The following TENM2 variants were observed in gnomAD, a reference collection of about 807,000 sequenced individuals.
TENM2 encodes teneurin transmembrane protein 2, also known as teneurin-2.
In TENM2, 52 loss-of-function variants were observed where a neutral mutation model predicts 245.2. That is an observed-to-expected ratio of 0.21 (90% CI 0.17 to 0.27). TENM2 has a LOEUF of 0.27. Among genes scored for constraint, TENM2 ranks in the 10% least tolerant of loss-of-function variants. The pLI, the probability that TENM2 is intolerant of heterozygous loss-of-function variation, is 1.00. For missense variants in TENM2, 3,046 were observed against 3,666.8 expected (o/e 0.83, Z 4.37); for synonymous variants, 1,363 against 1,438.9 (o/e 0.95, Z 1.19).
At chr5:167,179,437 G>A in the TENM2 span, among the ~76,000 whole-genome samples, 3 of 152,180 alleles carry the variant, frequency 2.0e-5, no homozygotes, top group East Asian at 1.9e-4. Context: ...TTTTCGGTAA[G>A]TAATTTATCA....
At chr5:167,457,202 G>A (rs1765975768) in intron 2 of TENM2, among the ~76,000 whole-genome samples, 1 of 152,080 alleles carries the variant, frequency 6.6e-6, no homozygotes, top group South Asian at 2.1e-4. Flanking sequence ...GATTTAGTTA[G>A]TAGACCAATC....
At chr5:167,446,706 G>C (rs999590121) in intron 2 of TENM2, among the ~76,000 whole-genome samples, 1 of 151,716 alleles carries the variant, frequency 6.6e-6, no homozygotes, top group East Asian at 1.9e-4. Flanking sequence ...TTTTGGGGGG[G>C]GGGATTTGTA....
At chr5:167,920,467 A>C (rs1777280267) in intron 3 of TENM2, among the ~76,000 whole-genome samples, 1 of 150,704 alleles carries the variant, frequency 6.6e-6, no homozygotes, top group Admixed American at 6.6e-5. Flanking sequence ...GCAGTGAGCC[A>C]AGCTCGTGCC....
the TENM2 span, among the ~76,000 whole-genome samples, chr5:167,094,257 A>T: frequency 1.3e-5 from 2 of 152,092 alleles, no homozygotes; most frequent in Admixed American, 6.6e-5. Context: ...GCACGTGTAT[A>T]CTCTCATGAA....
intron 2 of TENM2, among the ~76,000 whole-genome samples, chr5:167,596,146 C>T (rs537446408): frequency 2.0e-5 from 3 of 152,210 alleles, no homozygotes; most frequent in Admixed American, 6.5e-5. Flanking sequence ...ATTGGGGGTG[C>T]GACAGGAATA....
the TENM2 span, among the ~76,000 whole-genome samples, chr5:167,115,590 G>A: frequency 5.3e-5 from 8 of 152,080 alleles, no homozygotes; most frequent in African/African-American, 1.4e-4. Context: ...CAAAAGCTAC[G>A]GTCAGTAGTT....
At chr5:168,221,040 A>C (rs10069012) in intron 23 of TENM2, among the ~76,000 whole-genome samples, 30,855 of 151,624 alleles carry the variant, frequency 0.2, 6,396 homozygotes, top group African/African-American at 0.54. Flanking sequence ...TGAACTCAGG[A>C]GGTGGAGGTT....
the TENM2 span, among the ~76,000 whole-genome samples, chr5:167,142,030 G>T: frequency 0.041 from 6,189 of 152,034 alleles, 436 homozygotes; most frequent in African/African-American, 0.14. Context: ...CGGAGGGGGG[G>T]GATGAAACCA....
chr5:167,195,307 A>C, the TENM2 span, among the ~76,000 whole-genome samples: 5 of 152,198 alleles, frequency 3.3e-5, no homozygotes, highest in African/African-American at 9.6e-5. Flanking sequence ...TAATGTGTCC[A>C]ATTAGTACTC....
intron 2 of TENM2, among the ~76,000 whole-genome samples, chr5:167,733,225 G>C (rs1011954479): frequency 1.3e-5 from 2 of 151,996 alleles, no homozygotes; most frequent in African/African-American, 4.8e-5. Context: ...TGCCAATAGT[G>C]CCCACTTTCT....
chr5:167,748,851 C>T (rs912755056), intron 2 of TENM2, among the ~76,000 whole-genome samples: 5 of 152,068 alleles, frequency 3.3e-5, no homozygotes, highest in East Asian at 3.9e-4. Context: ...CACCTCCCAC[C>T]GGATCCATCC....
Position 168,258,874 on chromosome 5 carries a change from AT to A in TENM2, c.7433-1398del, listed in dbSNP as rs143279852. Among the ~76,000 whole-genome samples the A allele has an allele frequency of 4.0e-3, 599 of 148,088 alleles. 3 individuals carry two copies. The highest frequency in any genetic ancestry group is 0.014 in the Middle Eastern group (4 of 288). On this transcript the variant is annotated intron_variant, in intron 27 of 28. Coordinates refer to ENST00000518659, the Ensembl canonical transcript of TENM2. ...ATGGTGAATTTTATATGAGTTTTACATTTTTTTTTTTAAAGGGAAATGATTA... is the reference window on the plus strand; with the variant it reads ...ATGGTGAATTTTATATGAGTTTTACATTTTTTTTTTAAAGGGAAATGATTA...
At position 168,090,553 on chromosome 5, in the gene TENM2, TACTC is replaced by T. The variant is rs777980460; in HGVS notation, c.1516-20_1516-17del. ...CATCCACACCTTGTCTCATGCATGG[TACTC>T]TCTCTCCTTTTCCCAGTATGACTTC... On this transcript the variant is annotated splice_polypyrimidine_tract_variant and intron_variant, in intron 7 of 28. Transcript: ENST00000518659. 1 of 1,606,828 alleles carries T rather than the reference TACTC, an allele frequency of 6.2e-7. No individual in the cohort carries two copies. The highest frequency in any genetic ancestry group is 8.5e-7 in the Non-Finnish European group (1 of 1,176,422).
chr5:167,042,288 C>G, the TENM2 span, among the ~76,000 whole-genome samples: 2 of 152,124 alleles, frequency 1.3e-5, no homozygotes, highest in African/African-American at 4.8e-5. Context: ...GTTATTTAAG[C>G]AAGTTTTCTT....
chr5:167,452,889 C>G (rs1162669411), intron 2 of TENM2, among the ~76,000 whole-genome samples: 1 of 125,372 alleles, frequency 8.0e-6, no homozygotes, highest in East Asian at 2.4e-4. Flanking sequence ...ATGTAACAAA[C>G]TTGCACGTTG....
At chr5:168,115,613 G>A (rs188199011) in intron 9 of TENM2, among the ~76,000 whole-genome samples, 11 of 152,114 alleles carry the variant, frequency 7.2e-5, no homozygotes, top group Non-Finnish European at 4.4e-5. Context: ...TAACCCTTAG[G>A]TCAGAGAGTC....
At chr5:168,194,797 A>G (rs934231664) in intron 14 of TENM2, among the ~76,000 whole-genome samples, 5 of 152,082 alleles carry the variant, frequency 3.3e-5, no homozygotes, top group African/African-American at 1.2e-4. Flanking sequence ...AAGCCAAAAA[A>G]TGGAAATAAG....
At chr5:166,983,744 G>C in the TENM2 span, among the ~76,000 whole-genome samples, 47 of 152,118 alleles carry the variant, frequency 3.1e-4, no homozygotes, top group East Asian at 8.9e-3. Flanking sequence ...GCATTGTTTG[G>C]GGGGAAAGAG....
intron 2 of TENM2, among the ~76,000 whole-genome samples, chr5:167,788,851 G>A (rs979483556): frequency 5.3e-5 from 8 of 152,096 alleles, no homozygotes; most frequent in African/African-American, 1.7e-4. Context: ...AGTGACTTAC[G>A]TCACTCCTTT....
Sources: gnomAD v4.1 joint callset for allele counts (sites outside exome capture counted in the v4.1 genomes callset) on GRCh38, gnomAD v4.1.1 for gene constraint, MANE v1.5 for transcripts, NCBI Gene and HGNC (gene_info 2026-07-23, HGNC 2026-07-21) for gene names.